OXR1: variants seen among roughly 807,000 people sequenced by gnomAD.
The protein encoded by OXR1 is oxidation resistance protein 1.
OXR1 carries 41 observed loss-of-function variants against 104.6 expected under a neutral mutation model. The ratio of observed to expected loss-of-function variants is 0.39; its 90% CI spans 0.31 to 0.51. OXR1 has a LOEUF of 0.51. Among genes scored for constraint, OXR1 ranks in the 20% least tolerant of loss-of-function variants. The probability of loss-of-function intolerance (pLI) is 0.77; values close to 1 mark genes in which losing one functional copy is unlikely to be tolerated. For missense variants in OXR1, 955 were observed against 1,031.9 expected (o/e 0.93, Z 1.02); for synonymous variants, 348 against 348.4 (o/e 1.00, Z 0.01).
At chr8:106,414,249 C>CGGCA (rs1563510395) in intron 2 of OXR1, among the ~76,000 whole-genome samples, 1 of 151,974 alleles carries the variant, frequency 6.6e-6, no homozygotes, top group Admixed American at 6.6e-5. Flanking sequence ...TTATCAGTGA[C>CGGCA]GGCAGATAGT....
intron 3 of OXR1, among the ~76,000 whole-genome samples, chr8:106,564,911 C>T (rs1323760452): frequency 6.6e-6 from 1 of 152,138 alleles, no homozygotes; most frequent in East Asian, 1.9e-4. Context: ...GCAGAAAAGG[C>T]CTTCGATAAA....
intron 1 of OXR1, among the ~76,000 whole-genome samples, chr8:106,335,990 G>A (rs918210197): frequency 2.0e-5 from 3 of 152,122 alleles, no homozygotes; most frequent in Non-Finnish European, 2.9e-5. Flanking sequence ...CAGCTACTTG[G>A]GAGGCTGAGG....
intron 3 of OXR1, among the ~76,000 whole-genome samples, chr8:106,568,395 C>G (rs533065621): frequency 6.6e-6 from 1 of 152,268 alleles, no homozygotes; most frequent in East Asian, 1.9e-4. Context: ...ATTCTCAAAT[C>G]TGCCTTTTCT....
intron 11 of OXR1, among the ~76,000 whole-genome samples, chr8:106,724,012 C>T (rs948159262): frequency 6.6e-6 from 1 of 151,786 alleles, no homozygotes; most frequent in Admixed American, 6.6e-5. Flanking sequence ...TCTCAATCTT[C>T]TAGGCTCAAG....
At chr8:106,686,251 C>A (rs940617457) in intron 6 of OXR1, among the ~76,000 whole-genome samples, 1 of 149,522 alleles carries the variant, frequency 6.7e-6, no homozygotes, top group African/African-American at 2.5e-5. Flanking sequence ...ACCAGACACA[C>A]CTGCTCCCTG....
intron 2 of OXR1, among the ~76,000 whole-genome samples, chr8:106,507,214 A>G (rs1175242499): frequency 6.6e-6 from 1 of 152,198 alleles, no homozygotes; most frequent in Non-Finnish European, 1.5e-5. Context: ...AAAGTTGAGT[A>G]TTTATATGTG....
At chr8:106,603,924 A>G (rs1234491870) in intron 3 of OXR1, among the ~76,000 whole-genome samples, 1 of 151,924 alleles carries the variant, frequency 6.6e-6, no homozygotes, top group Non-Finnish European at 1.5e-5. Flanking sequence ...GTGGTGGTGC[A>G]TGCCTGTAGT....
rs538286457 is a variant in OXR1 at position 106,420,039 on chromosome 8, T to C, written c.23+60403T>C. 4.5e-4 allele frequency among the ~76,000 whole-genome samples: 68 copies of C among 152,218 alleles called. No homozygotes were observed. In the South Asian group the frequency reaches 5.2e-3, roughly 12 times the overall value. On this transcript the variant is annotated intron_variant, in intron 2 of 16. Transcript: ENST00000517566. The stretch of plus-strand genomic sequence containing the variant: ...TTATGTAAAGAGGAGGAAAATAACT[T>C]GTGCTCAAAAATACCTTTAAGTATA...
intron 1 of OXR1, among the ~76,000 whole-genome samples, chr8:106,357,989 A>G (rs955981214): frequency 6.6e-6 from 1 of 152,178 alleles, no homozygotes; most frequent in Non-Finnish European, 1.5e-5. Flanking sequence ...TGCCCGGAAT[A>G]ATGGCTGCAT....
intron 2 of OXR1, among the ~76,000 whole-genome samples, chr8:106,405,168 A>G (rs1200806459): frequency 0.26 from 13,440 of 51,692 alleles, 1,653 homozygotes; most frequent in East Asian, 0.43. Context: ...ATATATATAT[A>G]TATATATATA....
rs545986825 is a variant in OXR1 at position 106,381,332 on chromosome 8, G to A, written c.23+21696G>A. The stretch of plus-strand genomic sequence containing the variant: ...TGCCTCCATTAAGCTGGAATGCGAT[G>A]AGTAGGAGAGAGGAGGCTGGTGAGG... On this transcript the variant is annotated intron_variant, in intron 2 of 16. Coordinates refer to ENST00000517566, the MANE Select transcript of OXR1 (RefSeq NM_001198533.2). Among the ~76,000 whole-genome samples, 36 of 152,306 alleles carry A rather than the reference G, an allele frequency of 2.4e-4. No individual in the cohort carries two copies. The East Asian group carries it at 5.0e-3, about 21-fold the overall frequency.
At chr8:106,455,317 A>G (rs2130629756) in intron 2 of OXR1, among the ~76,000 whole-genome samples, 1 of 152,330 alleles carries the variant, frequency 6.6e-6, no homozygotes, top group East Asian at 1.9e-4. Context: ...TGAACAATCT[A>G]TTTGATAAAT....
chr8:106,500,224 A>G (rs1225913416), intron 2 of OXR1, among the ~76,000 whole-genome samples: 3 of 152,214 alleles, frequency 2.0e-5, no homozygotes, highest in Non-Finnish European at 2.9e-5. Flanking sequence ...ATTGTTTTAT[A>G]CTCAGTACCT....
intron 3 of OXR1, among the ~76,000 whole-genome samples, chr8:106,647,213 A>G (rs1824160149): frequency 6.6e-6 from 1 of 152,230 alleles, no homozygotes; most frequent in South Asian, 2.1e-4. Context: ...AATTGAAAGA[A>G]AATTACTTGG....
At chr8:106,434,566 A>C (rs2130572017) in intron 2 of OXR1, among the ~76,000 whole-genome samples, 1 of 152,324 alleles carries the variant, frequency 6.6e-6, no homozygotes, top group East Asian at 1.9e-4. Flanking sequence ...CAGATAAGAA[A>C]AAAAATTACT....
chr8:106,473,184 G>A (rs564649105), intron 2 of OXR1, among the ~76,000 whole-genome samples: 1 of 151,948 alleles, frequency 6.6e-6, no homozygotes, highest in South Asian at 2.1e-4. Context: ...GACCACTCAA[G>A]TGTTTTTTTC....
At chr8:106,723,176 T>C (rs1295381650) in intron 11 of OXR1, among the ~76,000 whole-genome samples, 3 of 151,394 alleles carry the variant, frequency 2.0e-5, no homozygotes, top group Non-Finnish European at 4.4e-5. Flanking sequence ...GCCAATATGG[T>C]GAAATCCCAT....
chr8:106,713,478 T>C (rs376977955), intron 10 of OXR1, among the ~76,000 whole-genome samples: 4 of 152,084 alleles, frequency 2.6e-5, no homozygotes, highest in African/African-American at 9.6e-5. Flanking sequence ...TTTTAGATCA[T>C]TAGATTATTG....
intron 2 of OXR1, among the ~76,000 whole-genome samples, chr8:106,432,704 G>A (rs1476631459): frequency 1.3e-5 from 2 of 151,990 alleles, no homozygotes; most frequent in Admixed American, 1.3e-4. Context: ...TTGTATGTAT[G>A]CATGCATGTA....
Sources: gnomAD v4.1 joint callset for allele counts (sites outside exome capture counted in the v4.1 genomes callset) on GRCh38, gnomAD v4.1.1 for gene constraint, MANE v1.5 for transcripts, NCBI Gene and HGNC (gene_info 2026-07-23, HGNC 2026-07-21) for gene names.